The following APBA2 variants were observed in gnomAD, a reference collection of about 807,000 sequenced individuals.
APBA2 encodes amyloid beta precursor protein binding family A member 2, also known as amyloid-beta A4 precursor protein-binding family A member 2.
Under a neutral mutation model 75.0 loss-of-function variants are expected in APBA2, and 30 were observed. The observed-to-expected ratio is 0.40, with a 90% CI of 0.30 to 0.54. The LOEUF is 0.54. APBA2 is among the 20% of genes least tolerant of loss of function. APBA2 has a pLI of 0.49. For missense variants in APBA2, 801 were observed against 1,016.1 expected, an observed-to-expected ratio of 0.79 and a Z score of 2.88; for synonymous variants, 444 against 409.6, an observed-to-expected ratio of 1.08 and a Z score of -1.01.
intron 2 of APBA2, among the ~76,000 whole-genome samples, chr15:28,953,114 CAGG>C (rs1201259278): frequency 1.3e-5 from 2 of 152,164 alleles, no homozygotes; most frequent in African/African-American, 4.8e-5. Flanking sequence ...TTGCAGGCTC[CAGG>C]AGTTTTGATG....
At chr15:29,114,239 G>T (rs1292100847) in intron 14 of APBA2, among the ~76,000 whole-genome samples, 1 of 152,238 alleles carries the variant, frequency 6.6e-6, no homozygotes, top group Non-Finnish European at 1.5e-5. Context: ...GGCTGCTGGG[G>T]GTGCTCCCTG....
At position 29,114,697 on chromosome 15, in the gene APBA2, AGTGT is replaced by A. The variant is rs68020470; in HGVS notation, c.2178+685_2178+688del. Among the ~76,000 whole-genome samples the A allele has an allele frequency of 2.9e-4, 43 of 148,550 alleles. 1 individual carries two copies. Among genetic ancestry groups the A allele is most frequent in the African/African-American group, 7.7e-4 (31 of 40,406 alleles). On this transcript the variant is annotated intron_variant, in intron 14 of 14. Coordinates refer to ENST00000683413, the MANE Select transcript of APBA2 (RefSeq NM_001353788.2). ...TAAGTGTGGGTAGGTGTGGGAAATGAGTGTGTGCGTGCACGTGGGTGTATAGGGG... is the reference window on the plus strand; with the variant it reads ...TAAGTGTGGGTAGGTGTGGGAAATGAGTGCGTGCACGTGGGTGTATAGGGG...
At chr15:29,106,985 A>T (rs951371875) in intron 12 of APBA2, among the ~76,000 whole-genome samples, 166 bp downstream of exon 12, 3 of 152,092 alleles carry the variant, frequency 2.0e-5, no homozygotes, top group Admixed American at 6.5e-5. Context: ...TCAGAATTTG[A>T]ACTCAAGACC....
intron 10 of APBA2, among the ~76,000 whole-genome samples, chr15:29,102,941 T>TTCCCC (rs1376658897): frequency 1.1e-5 from 1 of 93,838 alleles, no homozygotes; most frequent in Non-Finnish European, 2.9e-5. Flanking sequence ...AGTCATCTTC[T>TTCCCC]TCCTAAGAAC....
intron 2 of APBA2, among the ~76,000 whole-genome samples, chr15:28,943,461 G>A (rs914833294): frequency 1.3e-5 from 2 of 152,260 alleles, no homozygotes; most frequent in Non-Finnish European, 2.9e-5. Context: ...GGCCTGCACT[G>A]TCCTATGAAA....
chr15:29,038,252 C>T (rs1280861933), intron 3 of APBA2, among the ~76,000 whole-genome samples: 3 of 152,208 alleles, frequency 2.0e-5, no homozygotes, highest in African/African-American at 7.2e-5. Flanking sequence ...CCACAGAGCT[C>T]CTCTCCAGGC....
chr15:28,955,947 A>G (rs2036146425), intron 2 of APBA2, among the ~76,000 whole-genome samples: 1 of 152,118 alleles, frequency 6.6e-6, no homozygotes, highest in Non-Finnish European at 1.5e-5. Context: ...GCAACCATGG[A>G]GGAGCTGTGA....
At chr15:29,116,519 T>G (rs2045161649) in intron 14 of APBA2, among the ~76,000 whole-genome samples, 2 of 151,324 alleles carry the variant, frequency 1.3e-5, no homozygotes. Flanking sequence ...TCCCAGCTAC[T>G]GAGGAGGCTG....
chr15:29,048,040 G>A (rs1470625971), intron 3 of APBA2, among the ~76,000 whole-genome samples: 1 of 152,170 alleles, frequency 6.6e-6, no homozygotes, highest in Non-Finnish European at 1.5e-5. Flanking sequence ...AAAAGACTCA[G>A]TATTGTAAGT....
chr15:28,969,128 T>TTCTTTC (rs755972827), intron 2 of APBA2, among the ~76,000 whole-genome samples: 1 of 137,026 alleles, frequency 7.3e-6, no homozygotes, highest in Admixed American at 7.6e-5. Flanking sequence ...TTTCATTTCT[T>TTCTTTC]TTTCTTTCTT....
intron 2 of APBA2, among the ~76,000 whole-genome samples, chr15:28,923,458 G>A (rs1434505173): frequency 6.6e-6 from 1 of 152,010 alleles, no homozygotes; most frequent in Non-Finnish European, 1.5e-5. Flanking sequence ...CCCTTATGCA[G>A]TGTGTATCAG....
intron 1 of APBA2, among the ~76,000 whole-genome samples, chr15:28,905,444 T>C (rs2152638417): frequency 6.6e-6 from 1 of 152,374 alleles, no homozygotes; most frequent in Middle Eastern, 3.4e-3. Flanking sequence ...TTTTGTTTCA[T>C]TCTCCAATAC....
chr15:29,047,580 C>A (rs907063819), intron 3 of APBA2, among the ~76,000 whole-genome samples: 1 of 151,986 alleles, frequency 6.6e-6, no homozygotes, highest in East Asian at 1.9e-4. Context: ...CCCTGATCTC[C>A]CCCTGGTTCA....
At chr15:28,956,893 G>A (rs942727886) in intron 2 of APBA2, among the ~76,000 whole-genome samples, 3 of 152,154 alleles carry the variant, frequency 2.0e-5, no homozygotes, top group Admixed American at 6.5e-5. Flanking sequence ...AGTGTAGCAC[G>A]TGTCACAGTC....
chr15:29,086,651 G>A (rs925008353), intron 6 of APBA2, among the ~76,000 whole-genome samples: 9 of 152,180 alleles, frequency 5.9e-5, no homozygotes. Context: ...TGTAGATACA[G>A]ATTATGATTT....
At chr15:28,948,699 A>G (rs1011794466) in intron 2 of APBA2, among the ~76,000 whole-genome samples, 8 of 152,274 alleles carry the variant, frequency 5.3e-5, no homozygotes, top group African/African-American at 1.7e-4. Context: ...ATAGGCAGAT[A>G]CTGTAAACGC....
intron 14 of APBA2, among the ~76,000 whole-genome samples, chr15:29,115,257 C>A: frequency 2.4e-4 from 1 of 4,208 alleles, no homozygotes; most frequent in African/African-American, 1.3e-3. Flanking sequence ...TGTGGGTGGG[C>A]GGGTGGGTGG....
At chr15:29,103,372 G>A (rs577959378) in intron 10 of APBA2, among the ~76,000 whole-genome samples, 1 of 152,242 alleles carries the variant, frequency 6.6e-6, no homozygotes, top group Non-Finnish European at 1.5e-5. Flanking sequence ...GAGGCCGCTT[G>A]AGCCCTGAGG....
intron 2 of APBA2, among the ~76,000 whole-genome samples, chr15:28,928,855 G>A (rs1380771580): frequency 1.3e-5 from 2 of 152,150 alleles, no homozygotes; most frequent in African/African-American, 4.8e-5. Context: ...GCTTCTAGGA[G>A]TTTCTCAGTC....
Sources: gnomAD v4.1 joint callset for allele counts (sites outside exome capture counted in the v4.1 genomes callset) on GRCh38, gnomAD v4.1.1 for gene constraint, MANE v1.5 for transcripts, NCBI Gene and HGNC (gene_info 2026-07-23, HGNC 2026-07-21) for gene names.